STAT6: variants seen among roughly 807,000 people sequenced by gnomAD.
STAT6 encodes the protein signal transducer and activator of transcription 6, also known as STAT, interleukin4-induced.
Under a neutral mutation model 106.3 loss-of-function variants are expected in STAT6, and 45 were observed. That is an observed-to-expected ratio of 0.42 (90% CI 0.33 to 0.54). The LOEUF (loss-of-function observed/expected upper bound fraction) is 0.54. STAT6 is among the 20% of genes least tolerant of loss of function. The pLI, the probability that STAT6 is intolerant of heterozygous loss-of-function variation, is 0.06. For synonymous variants in STAT6, 413 were observed against 413.6 expected (o/e 1.00, Z 0.02); for missense variants, 797 against 1,062.2 (o/e 0.75, Z 3.47).
chr12:57,096,986 G>A lies in STAT6; in HGVS notation c.2226-8C>T, dbSNP rs1192439990. Reference sequence around the variant, plus strand: ...TGGCACGGCAGCAGGCCCCTGCCAGGAACCAGCAATGGAAATAAGGAGAGC... The same window carrying A: ...TGGCACGGCAGCAGGCCCCTGCCAGAAACCAGCAATGGAAATAAGGAGAGC... On this transcript the variant is annotated splice_region_variant and splice_polypyrimidine_tract_variant and intron_variant, in intron 20 of 21. Coordinates refer to ENST00000300134, the MANE Select transcript of STAT6 (RefSeq NM_003153.5). The A allele has an allele frequency of 5.6e-6, 9 of 1,612,696 alleles. No homozygotes were observed. Among genetic ancestry groups the A allele is most frequent in the Non-Finnish European group, 6.8e-6 (8 of 1,179,302 alleles).
rs2033978444 is a variant in STAT6, at chr12:57,102,281, G to C, written c.1512+9C>G. On this transcript the variant is annotated intron_variant, in intron 13 of 21. Transcript: ENST00000300134. ...TGGGGGTGGGAGGTCCAAAGGGCAGGAGAATGACCTTGTTGAACTGCGACC... is the reference window on the plus strand; with the variant it reads ...TGGGGGTGGGAGGTCCAAAGGGCAGCAGAATGACCTTGTTGAACTGCGACC... 1 of 1,613,956 alleles carries C rather than the reference G, an allele frequency of 6.2e-7. No individual in the cohort carries two copies. Among genetic ancestry groups the C allele is most frequent in the Non-Finnish European group, 8.5e-7 (1 of 1,179,988 alleles).
At position 57,098,998 on chromosome 12, in the gene STAT6, C is replaced by T; in HGVS notation, c.1955+17G>A. 1.2e-6 allele frequency: 2 copies of T among 1,614,198 alleles called. No homozygotes were observed. The highest frequency in any genetic ancestry group is 1.3e-5 in the African/African-American group (1 of 75,032). On this transcript the variant is annotated intron_variant, in intron 17 of 21. Transcript: ENST00000300134. ...CTAAGCCCCTGACCTACCCACTGTC[C>T]ATACCACCACACTCACCTTTCCACG...
Position 57,107,233 on chromosome 12 carries a change from G to C in STAT6, c.337C>G (p.Gln113Glu), listed in dbSNP as rs2034331088. 5 of 1,614,100 alleles carry C rather than the reference G, an allele frequency of 3.1e-6. No homozygotes were observed. The highest frequency in any genetic ancestry group is 3.4e-6 in the Non-Finnish European group (4 of 1,179,922). Reference protein sequence around the residue: ...LQGEKKAVMEQFRHLPMPFHW... With the variant: ...LQGEKKAVMEEFRHLPMPFHW... ...TGGGAGGTGGAATATCACAATACCT[G>C]TTCCATAACAGCTTTTTTCTCTCCT... Residue 113 changes from glutamine to glutamate, a missense_variant and splice_region_variant, in exon 4 of 22, where the codon CAG becomes GAG. Physicochemically the swap from Gln to Glu is conservative, Grantham distance 29. Around this residue, in one of 4 missense-constraint regions of STAT6, gnomAD observed 336 missense variants for 429.8 expected, o/e 0.78. Transcript: ENST00000300134.
Position 57,099,974 on chromosome 12 carries a change from AC to A in STAT6, c.1607+21del. 1 of 1,614,086 alleles carries A rather than the reference AC, an allele frequency of 6.2e-7. No homozygotes were observed. The stretch of plus-strand genomic sequence containing the variant: ...AGGTGACTGGTGTATGGCTGCTCAG[AC>A]TACCCAGGGTGGGGACTCACCGGTC... On this transcript the variant is annotated intron_variant, in intron 14 of 21. Coordinates refer to ENST00000300134, the MANE Select transcript of STAT6 (RefSeq NM_003153.5). The surrounding 1 kb of genome is among the most constrained non-coding windows in gnomAD (Gnocchi z 4.7).
chr12:57,097,759 G>A (rs76442138), intron 19 of STAT6, among the ~76,000 whole-genome samples: 138 of 152,180 alleles, frequency 9.1e-4, no homozygotes, highest in African/African-American at 3.3e-3. Context: ...CTTGTCTGCA[G>A]AAAAATCTTA....
Position 57,097,832 on chromosome 12 carries a change from G to A in STAT6, c.2159+673C>T, listed in dbSNP as rs111551063. ...GGAGGATTGCTCGAGCCCAAGAGGC[G>A]GAGGTTGCAGGGAGCTAAGATCGCA... On this transcript the variant is annotated intron_variant, in intron 19 of 21. Transcript: ENST00000300134. Among the ~76,000 whole-genome samples the A allele has an allele frequency of 2.0e-4, 30 of 152,178 alleles. 1 individual carries two copies. Among genetic ancestry groups the A allele is most frequent in the African/African-American group, 6.0e-4 (25 of 41,496 alleles).
chr12:57,100,692 G>GAGAA (rs2033823987), intron 13 of STAT6, among the ~76,000 whole-genome samples: 1 of 50,022 alleles, frequency 2.0e-5, no homozygotes. Context: ...AAGAAAGAAA[G>GAGAA]AAAGAAAGAG....
Position 57,096,954 on chromosome 12 carries a change from C to T in STAT6, c.2250G>A (p.Gln750=), listed in dbSNP as rs1202487719. Residue 750 remains glutamine (Q), a synonymous_variant, in exon 21 of 22, where the codon CAG becomes CAA. Coordinates refer to ENST00000300134, the MANE Select transcript of STAT6 (RefSeq NM_003153.5). ...GGTCAGGGCTGGACACAGCATGCTC[C>T]TGAGGCTGGCACGGCAGCAGGCCCC... ...HPQGLLPCQP[Q]EHAVSSPDPL... 2 of 1,613,938 alleles carry T rather than the reference C, an allele frequency of 1.2e-6. No individual in the cohort carries two copies. The highest frequency in any genetic ancestry group is 1.7e-6 in the Non-Finnish European group (2 of 1,179,888).
intron 13 of STAT6, among the ~76,000 whole-genome samples, chr12:57,101,663 C>CTTT (rs1228510878): frequency 7.8e-6 from 1 of 127,532 alleles, no homozygotes. Flanking sequence ...CATGCCTGGC[C>CTTT]TTTTTTTTTT....
Position 57,100,700 on chromosome 12 carries a change from G to GAGAA in STAT6, c.1513-614_1513-611dup, listed in dbSNP as rs56962899. Reference sequence around the variant, plus strand: ...AGAAAGAAAGAAAGAAAGAAAGAAAGAGAAAGAAAGAAAGAAAGAAAGAAA... The same window carrying GAGAA: ...AGAAAGAAAGAAAGAAAGAAAGAAAGAGAAAGAAAGAAAGAAAGAAAGAAAGAAA... On this transcript the variant is annotated intron_variant, in intron 13 of 21. Coordinates refer to ENST00000300134, the MANE Select transcript of STAT6 (RefSeq NM_003153.5). 635 of 64,648 alleles carry GAGAA rather than the reference G, an allele frequency of 9.8e-3. 14 individuals carry two copies. Among genetic ancestry groups the GAGAA allele is most frequent in the East Asian group, 0.036 (77 of 2,134 alleles). The allele number at this position is 64,648 out of a possible 1,614,324, so 4.0% of individuals were successfully genotyped here.
chr12:57,107,591 C>A lies in STAT6; in HGVS notation c.255+14G>T. ...CAGCCCCACCCAGCCTTGTCCCCTC[C>A]CCTCCTGCCCCACCTCAAGGGTGCT... is the stretch of plus-strand genomic sequence containing the variant. On this transcript the variant is annotated intron_variant, in intron 3 of 21. Transcript: ENST00000300134. 11 of 1,612,992 alleles carry A rather than the reference C, an allele frequency of 6.8e-6. No individual in the cohort carries two copies. The highest frequency in any genetic ancestry group is 9.3e-6 in the Non-Finnish European group (11 of 1,179,246).
chr12:57,100,844 A>G (rs1213397287), intron 13 of STAT6: 1 of 455,794 alleles, frequency 2.2e-6, no homozygotes, highest in Admixed American at 2.4e-5. Context: ...CATGGCACTC[A>G]CCTGCTTTGG....
At chr12:57,107,807 C>G in intron 2 of STAT6, 64 bp from the exon 3 acceptor site, 1 of 1,601,456 alleles carries the variant, frequency 6.2e-7, no homozygotes, top group Non-Finnish European at 8.5e-7. Flanking sequence ...TGACCCTTTA[C>G]CCCACAGCCA....
chr12:57,099,265 A>C lies in STAT6; in HGVS notation c.1891+29T>G. ...AGCAGGGAGGAAGTGGGTGACAGGA[A>C]GGAATCAGAGCTGCCAGTTCCAGCT... On this transcript the variant is annotated intron_variant, in intron 16 of 21. Transcript: ENST00000300134. The surrounding 1 kb of genome is among the most constrained non-coding windows in gnomAD (Gnocchi z 4.7). 1.2e-6 allele frequency: 2 copies of C among 1,613,504 alleles called. No individual in the cohort carries two copies. The highest frequency in any genetic ancestry group is 3.3e-5 in the Admixed American group (2 of 60,022).
intron 1 of STAT6, among the ~76,000 whole-genome samples, chr12:57,110,820 C>T (rs1592581313): frequency 6.6e-6 from 1 of 152,090 alleles, no homozygotes; most frequent in African/African-American, 2.4e-5. Context: ...GCGGCCACTT[C>T]CCCCGACTCA....
chr12:57,105,413 C>T, intron 8 of STAT6, 55 bp downstream of exon 8: 1 of 1,609,238 alleles, frequency 6.2e-7, no homozygotes, highest in African/African-American at 1.3e-5. Flanking sequence ...CTCTAGCCCC[C>T]TTCTTTTCTT....
chr12:57,100,932 C>T (rs1353791908), intron 13 of STAT6: 2 of 451,874 alleles, frequency 4.4e-6, no homozygotes, highest in Non-Finnish European at 8.9e-6. Context: ...GTATCTACCT[C>T]AAAGAGATGT....
chr12:57,100,660 G>A (rs1027932156), intron 13 of STAT6, among the ~76,000 whole-genome samples: 2 of 36,774 alleles, frequency 5.4e-5, no homozygotes, highest in African/African-American at 1.2e-4. Flanking sequence ...AAGAAAGAAA[G>A]AAAGAAAGAA....
chr12:57,096,275 G>T lies in STAT6; in HGVS notation c.*297C>A. ...CACCCTCAGAGAGCTCTGTATGTGTGTGTGCGTGCGTGTGCGCGCTGCAGG... is the reference window on the plus strand; with the variant it reads ...CACCCTCAGAGAGCTCTGTATGTGTTTGTGCGTGCGTGTGCGCGCTGCAGG... On this transcript the variant is annotated 3_prime_UTR_variant, in exon 22 of 22. Transcript: ENST00000300134. 2.6e-6 allele frequency: 1 copy of T among 378,934 alleles called. No individual in the cohort carries two copies. The highest frequency in any genetic ancestry group is 4.8e-6 in the Non-Finnish European group (1 of 208,834). 23.5% of individuals were successfully genotyped at this position (378,934 alleles called of 1,614,324 possible).
Sources: gnomAD v4.1 joint callset for allele counts (sites outside exome capture counted in the v4.1 genomes callset) on GRCh38, gnomAD v4.1.1 for gene constraint, gnomAD v4.1.1 regional missense constraint, Gnocchi (gnomAD v3.1) non-coding constraint, MANE v1.5 for transcripts, NCBI Gene and HGNC (gene_info 2026-07-23, HGNC 2026-07-21) for gene names.